The following KIAA1217 variants were observed in gnomAD, a reference collection of about 807,000 sequenced individuals.
KIAA1217 encodes sickle tail protein homolog.
In KIAA1217, 88 loss-of-function variants were observed where a neutral mutation model predicts 163.9. The ratio of observed to expected loss-of-function variants is 0.54; its 90% CI spans 0.45 to 0.64. The LOEUF is 0.64. KIAA1217 is among the 30% of genes least tolerant of loss of function. KIAA1217 has a pLI of 0.00. For missense variants in KIAA1217, 2,372 were observed against 2,475.0 expected (o/e 0.96, Z 0.88); for synonymous variants, 903 against 923.1 (o/e 0.98, Z 0.39).
At chr10:24,152,910 T>C (rs767408206) in intron 2 of KIAA1217, among the ~76,000 whole-genome samples, 4 of 152,188 alleles carry the variant, frequency 2.6e-5, no homozygotes, top group African/African-American at 9.7e-5. Context: ...ATGACTAATA[T>C]AGAAGAGCAA....
At chr10:23,919,629 A>AG (rs1842775014) in intron 1 of KIAA1217, among the ~76,000 whole-genome samples, 1 of 150,404 alleles carries the variant, frequency 6.6e-6, no homozygotes, top group Non-Finnish European at 1.5e-5. Context: ...AAAAAAAAAA[A>AG]AAGGCTCTGC....
At chr10:24,133,822 C>T (rs1041074984) in intron 2 of KIAA1217, among the ~76,000 whole-genome samples, 4 of 152,168 alleles carry the variant, frequency 2.6e-5, no homozygotes, top group Admixed American at 6.5e-5. Context: ...GGACATCCAT[C>T]CTAATTTCTG....
chr10:24,436,540 C>G, intron 4 of KIAA1217, among the ~76,000 whole-genome samples: 1 of 150,756 alleles, frequency 6.6e-6, no homozygotes, highest in East Asian at 2.0e-4. Context: ...GGGCGGATCA[C>G]GAGGTCAGGA....
Position 24,159,049 on chromosome 10 carries a change from C to T in KIAA1217, c.-170-60577C>T, listed in dbSNP as rs368943943. Reference sequence around the variant, plus strand: ...ACAGTGCATGCTTCAACACAGAAAACTCAGCATTGATTATTGTAAATTAAG... The same window carrying T: ...ACAGTGCATGCTTCAACACAGAAAATTCAGCATTGATTATTGTAAATTAAG... On this transcript the variant is annotated intron_variant, in intron 2 of 18. Coordinates refer to the KIAA1217 transcript ENST00000376462. 4.9e-4 allele frequency among the ~76,000 whole-genome samples: 74 copies of T among 152,250 alleles called. 1 individual carries two copies. The highest frequency in any genetic ancestry group is 1.8e-3 in the African/African-American group (73 of 41,550).
intron 1 of KIAA1217, among the ~76,000 whole-genome samples, chr10:23,804,283 T>C (rs1033031566): frequency 6.6e-6 from 1 of 152,226 alleles, no homozygotes; most frequent in African/African-American, 2.4e-5. Flanking sequence ...ATGCTGCTGA[T>C]GTGCTATGAA....
intron 1 of KIAA1217, among the ~76,000 whole-genome samples, chr10:23,982,383 A>G (rs1190980693): frequency 6.6e-6 from 1 of 152,140 alleles, no homozygotes; most frequent in African/African-American, 2.4e-5. Context: ...TTCCCTGGAC[A>G]GCAGTGGGAG....
intron 6 of KIAA1217, among the ~76,000 whole-genome samples, chr10:24,484,319 A>G (rs2065115652): frequency 7.4e-6 from 1 of 135,632 alleles, no homozygotes; most frequent in South Asian, 2.4e-4. Context: ...ATCTCGGCTC[A>G]CTGCAACCTC....
At chr10:24,098,995 C>T (rs1305762662) in intron 2 of KIAA1217, among the ~76,000 whole-genome samples, 1 of 152,022 alleles carries the variant, frequency 6.6e-6, no homozygotes, top group Non-Finnish European at 1.5e-5. Context: ...CCAGACTGCA[C>T]CCACTTCAGT....
intron 2 of KIAA1217, among the ~76,000 whole-genome samples, chr10:24,348,990 G>T (rs2048133609): frequency 6.6e-6 from 1 of 151,976 alleles, no homozygotes; most frequent in Non-Finnish European, 1.5e-5. Flanking sequence ...TTTCTACAAA[G>T]AAATTTAAAA....
At chr10:24,406,392 AACACACACACACAC>A (rs34564889) in intron 3 of KIAA1217, among the ~76,000 whole-genome samples, 3 of 133,806 alleles carry the variant, frequency 2.2e-5, no homozygotes, top group African/African-American at 1.0e-4. Flanking sequence ...TTCACACACA[AACACACACACACAC>A]ACACACACAC....
At chr10:23,887,321 G>A (rs1229969069) in intron 1 of KIAA1217, among the ~76,000 whole-genome samples, 3 of 151,926 alleles carry the variant, frequency 2.0e-5, no homozygotes, top group African/African-American at 7.2e-5. Flanking sequence ...CTGGGACACA[G>A]TGGGTTGTTA....
At chr10:24,313,502 T>C (rs573442003) in intron 2 of KIAA1217, among the ~76,000 whole-genome samples, 48 of 152,302 alleles carry the variant, frequency 3.2e-4, no homozygotes, top group African/African-American at 1.1e-3. Context: ...GAAATATTAA[T>C]GGGCTGTGTT....
chr10:24,252,940 C>A (rs1006877219), intron 2 of KIAA1217, among the ~76,000 whole-genome samples: 1 of 151,720 alleles, frequency 6.6e-6, no homozygotes, highest in East Asian at 1.9e-4. Flanking sequence ...ATCGATTGAG[C>A]CCGGGAGTTT....
chr10:24,133,017 G>A (rs902417930), intron 2 of KIAA1217, among the ~76,000 whole-genome samples: 7 of 151,940 alleles, frequency 4.6e-5, no homozygotes, highest in Middle Eastern at 3.4e-3. Flanking sequence ...AAATCAGCCA[G>A]CAGGAGCTTG....
At chr10:23,821,691 T>C (rs1281170253) in intron 1 of KIAA1217, among the ~76,000 whole-genome samples, 1 of 152,222 alleles carries the variant, frequency 6.6e-6, no homozygotes, top group Non-Finnish European at 1.5e-5. Context: ...AACATTGCAT[T>C]GCTTTACATT....
chr10:23,712,247 G>C (rs1387234148), intron 1 of KIAA1217, among the ~76,000 whole-genome samples: 1 of 152,062 alleles, frequency 6.6e-6, no homozygotes, highest in South Asian at 2.1e-4. Context: ...AGGAACATAA[G>C]CATCTCTCCT....
intron 1 of KIAA1217, among the ~76,000 whole-genome samples, chr10:23,869,809 AT>A (rs1840373311): frequency 6.6e-6 from 1 of 152,126 alleles, no homozygotes; most frequent in Non-Finnish European, 1.5e-5. Context: ...CATGGACACT[AT>A]TCCCAGGAAG....
At chr10:24,382,335 A>AGATT (rs1314293841) in intron 3 of KIAA1217, among the ~76,000 whole-genome samples, 1 of 152,122 alleles carries the variant, frequency 6.6e-6, no homozygotes, top group Non-Finnish European at 1.5e-5. Flanking sequence ...AGAAAGAAAA[A>AGATT]GATTGATGTG....
chr10:24,113,761 C>T (rs969087572), intron 2 of KIAA1217, among the ~76,000 whole-genome samples: 1 of 152,190 alleles, frequency 6.6e-6, no homozygotes, highest in East Asian at 1.9e-4. Flanking sequence ...AACTGGAAGC[C>T]CCTGCCATGC....
Sources: gnomAD v4.1 joint callset for allele counts (sites outside exome capture counted in the v4.1 genomes callset) on GRCh38, gnomAD v4.1.1 for gene constraint, MANE v1.5 for transcripts, NCBI Gene and HGNC (gene_info 2026-07-23, HGNC 2026-07-21) for gene names.